The following N4BP2 variants were observed in gnomAD, a reference collection of about 807,000 sequenced individuals.
N4BP2 encodes NEDD4-binding protein 2.
N4BP2 carries 91 observed loss-of-function variants against 152.8 expected under a neutral mutation model. The observed-to-expected ratio is 0.60, with a 90% CI of 0.50 to 0.71. N4BP2 has a LOEUF of 0.71. N4BP2 is among the 30% of genes least tolerant of loss of function. The pLI is 0.00. For synonymous variants in N4BP2, 646 were observed against 705.3 expected, an observed-to-expected ratio of 0.92 and a Z score of 1.33; for missense variants, 1,923 against 2,059.1, an observed-to-expected ratio of 0.93 and a Z score of 1.28.
Position 40,135,061 on chromosome 4 carries a change from T to C in N4BP2, c.4647-1883T>C, listed in dbSNP as rs1252899616. Among the ~76,000 whole-genome samples the C allele has an allele frequency of 2.0e-5, 3 of 150,234 alleles. No individual in the cohort carries two copies. The East Asian group carries it at 5.9e-4, about 30-fold the overall frequency. On this transcript the variant is annotated intron_variant, in intron 13 of 17. Coordinates refer to ENST00000261435, the MANE Select transcript of N4BP2 (RefSeq NM_018177.6). ...GTGCTGCACCCACTAACTTGTCATCTAGCATTAGGTATATCTCCCAATGCT... is the reference window on the plus strand; with the variant it reads ...GTGCTGCACCCACTAACTTGTCATCCAGCATTAGGTATATCTCCCAATGCT...
At chr4:40,183,221 T>G in the N4BP2 span, among the ~76,000 whole-genome samples, 1 of 152,198 alleles carries the variant, frequency 6.6e-6, no homozygotes, top group Admixed American at 6.5e-5. Flanking sequence ...TCTTCCCAAA[T>G]ACTATTTTCA....
chr4:40,087,992 C>T (rs1421517957), intron 2 of N4BP2, among the ~76,000 whole-genome samples: 2 of 152,100 alleles, frequency 1.3e-5, no homozygotes, highest in Admixed American at 6.6e-5. Flanking sequence ...TCCTGACCTC[C>T]GGTGATCCGC....
rs144640309 is a variant in N4BP2, at chr4:40,112,978, A to G, written c.1588-454A>G. ...CTCGGCCTCTCAAAGTGTTGGGATT[A>G]CAGGCGTGAGCCACCATGTCCGGCC... On this transcript the variant is annotated intron_variant, in intron 6 of 17. Coordinates refer to ENST00000261435, the MANE Select transcript of N4BP2 (RefSeq NM_018177.6). Among the ~76,000 whole-genome samples, 99 of 152,366 alleles carry G rather than the reference A, an allele frequency of 6.5e-4. 1 individual carries two copies. Among genetic ancestry groups the G allele is most frequent in the African/African-American group, 2.3e-3 (95 of 41,588 alleles).
chr4:40,092,008 TTATATATATATATATATATATATATATA>T, intron 2 of N4BP2, among the ~76,000 whole-genome samples: 1 of 27,206 alleles, frequency 3.7e-5, no homozygotes, highest in African/African-American at 1.5e-4. Flanking sequence ...AAAAAAAAAA[TTATATATATATATATATATATATATATA>T]TATATATATA....
chr4:40,069,430 C>T (rs574210703), intron 1 of N4BP2, among the ~76,000 whole-genome samples: 1 of 152,236 alleles, frequency 6.6e-6, no homozygotes, highest in Non-Finnish European at 1.5e-5. Context: ...AATTCCCTTT[C>T]ATTTTTTTCC....
chr4:40,107,532 T>C (rs1344714508), intron 5 of N4BP2, among the ~76,000 whole-genome samples: 1 of 152,000 alleles, frequency 6.6e-6, no homozygotes, highest in East Asian at 1.9e-4. Context: ...TACAGGTGCA[T>C]GCCACCGCAC....
intron 2 of N4BP2, among the ~76,000 whole-genome samples, chr4:40,093,005 G>A (rs1714759775): frequency 1.4e-5 from 2 of 147,854 alleles, no homozygotes; most frequent in African/African-American, 2.5e-5. Context: ...ATGCAATGGC[G>A]CAGTTTCAGT....
chr4:40,130,690 A>T (rs989096154), intron 12 of N4BP2, among the ~76,000 whole-genome samples: 12 of 152,002 alleles, frequency 7.9e-5, no homozygotes, highest in African/African-American at 2.9e-4. Flanking sequence ...TTATGTAGAG[A>T]TAGGGTCTTG....
chr4:40,113,599 A>G (rs1167384723), intron 7 of N4BP2, 91 bp downstream of exon 7: 19 of 831,554 alleles, frequency 2.3e-5, no homozygotes, highest in Non-Finnish European at 3.7e-5. Context: ...TGATGAATGA[A>G]TTGATTAGAT....
intron 12 of N4BP2, among the ~76,000 whole-genome samples, chr4:40,130,898 A>C (rs1299560426): frequency 6.6e-6 from 1 of 152,196 alleles, no homozygotes; most frequent in Non-Finnish European, 1.5e-5. Flanking sequence ...ATTTATTATC[A>C]TCTTAGGTTA....
rs1717903539 is a variant in N4BP2, at chr4:40,121,487, T to C, written c.3376T>C (p.Leu1126=). The change falls in exon 9 of 18, where the codon TTG becomes CTG. Residue 1126 remains leucine, a synonymous_variant. Transcript: ENST00000261435. The stretch of plus-strand genomic sequence containing the variant: ...TATTATTTGGGCCACAAGCCTTTTG[T>C]TGGATTCTGAAACTAAGTTATGTGA... ...KDIIWATSLL[L]DSETKLCEDT... 3 of 1,614,056 alleles carry C rather than the reference T, an allele frequency of 1.9e-6. No homozygotes were observed. Among genetic ancestry groups the C allele is most frequent in the African/African-American group, 1.3e-5 (1 of 74,938 alleles).
At chr4:40,129,786 A>C (rs1718757825) in intron 12 of N4BP2, among the ~76,000 whole-genome samples, 1 of 152,096 alleles carries the variant, frequency 6.6e-6, no homozygotes, top group African/African-American at 2.4e-5. Flanking sequence ...TAATTTCCTG[A>C]TGCTGTCCTC....
At chr4:40,081,327 T>A (rs148535315) in intron 2 of N4BP2, among the ~76,000 whole-genome samples, 272 of 152,284 alleles carry the variant, frequency 1.8e-3, no homozygotes, top group African/African-American at 6.0e-3. Context: ...TGTCTTGCTT[T>A]CATTTCTAAC....
intron 2 of N4BP2, among the ~76,000 whole-genome samples, chr4:40,074,985 CG>C (rs1712580285): frequency 6.7e-6 from 1 of 150,244 alleles, no homozygotes; most frequent in South Asian, 2.1e-4. Context: ...CCAGCCTGGG[CG>C]ACAGAGTGAG....
chr4:40,066,010 A>T (rs1734010212), intron 1 of N4BP2, among the ~76,000 whole-genome samples: 1 of 151,826 alleles, frequency 6.6e-6, no homozygotes. Context: ...GGCTCACTGC[A>T]ACCTCTGCCT....
At chr4:40,189,148 C>CACAAAACAAAACGAA in the N4BP2 span, among the ~76,000 whole-genome samples, 3 of 149,098 alleles carry the variant, frequency 2.0e-5, no homozygotes, top group Non-Finnish European at 4.4e-5. The surrounding 1 kb of genome is among the most constrained non-coding windows in gnomAD (Gnocchi z 4.3). Context: ...CTGTCTCAAA[C>CACAAAACAAAACGAA]ACAAAACAAA....
chr4:40,138,952 A>T (rs1719653786), intron 14 of N4BP2, among the ~76,000 whole-genome samples: 1 of 152,164 alleles, frequency 6.6e-6, no homozygotes, highest in Admixed American at 6.5e-5. Context: ...TAGTTTGTGA[A>T]TTTCTGCAAA....
chr4:40,093,440 C>T (rs913187190), intron 2 of N4BP2, among the ~76,000 whole-genome samples: 4 of 150,614 alleles, frequency 2.7e-5, no homozygotes, highest in African/African-American at 4.9e-5. Context: ...AGAGTCTTGC[C>T]GTGTCACCCA....
intron 7 of N4BP2, among the ~76,000 whole-genome samples, chr4:40,116,280 G>A (rs1293598157): frequency 6.6e-6 from 1 of 151,806 alleles, no homozygotes; most frequent in African/African-American, 2.4e-5. Flanking sequence ...GGTTATTTTG[G>A]TTATTCATAT....
Sources: allele counts gnomAD v4.1 joint callset (sites outside exome capture counted in the v4.1 genomes callset), GRCh38; gene constraint gnomAD v4.1.1; non-coding constraint Gnocchi (gnomAD v3.1); transcripts MANE v1.5; gene names NCBI Gene and HGNC (gene_info 2026-07-23, HGNC 2026-07-21).